Variants in CACHD1 observed in about 807,000 individuals in gnomAD.
CACHD1 encodes the protein cache domain containing 1, also known as VWFA and cache domain-containing protein 1.
Under a neutral mutation model 138.7 loss-of-function variants are expected in CACHD1, and 71 were observed. The ratio of observed to expected loss-of-function variants is 0.51; its 90% confidence interval spans 0.42 to 0.62. The LOEUF (loss-of-function observed/expected upper bound fraction) is 0.62, where lower values mean the gene tolerates loss of function less well. CACHD1 is among the 20% of genes least tolerant of loss of function. CACHD1 has a pLI of 0.00. For synonymous variants in CACHD1, 578 were observed against 591.5 expected, an observed-to-expected ratio of 0.98 and a Z score of 0.33; for missense variants, 1,389 against 1,625.3, an observed-to-expected ratio of 0.85 and a Z score of 2.50.
At chr1:64,520,723 T>G (rs1037020019) in intron 1 of CACHD1, among the ~76,000 whole-genome samples, 1 of 152,212 alleles carries the variant, frequency 6.6e-6, no homozygotes. Context: ...AACTTCCACA[T>G]ACTCGGAACC....
chr1:64,472,494 T>G (rs1646151646), intron 1 of CACHD1, among the ~76,000 whole-genome samples: 2 of 152,206 alleles, frequency 1.3e-5, no homozygotes, highest in African/African-American at 4.8e-5. Context: ...TGAAGTGCAA[T>G]GGAGTTGGGT....
chr1:64,613,508 G>T (rs1055965068), intron 4 of CACHD1: 1 of 152,128 alleles, frequency 6.6e-6, no homozygotes, highest in Non-Finnish European at 1.5e-5. Flanking sequence ...CTGAGCTGCA[G>T]TATCTCCAAG....
intron 2 of CACHD1, among the ~76,000 whole-genome samples, chr1:64,557,223 A>G (rs1399706311): frequency 6.6e-6 from 1 of 152,204 alleles, no homozygotes; most frequent in African/African-American, 2.4e-5. Context: ...CTCAGAAAGT[A>G]GCAAAATATG....
chr1:64,594,217 G>A (rs921124147), intron 3 of CACHD1, among the ~76,000 whole-genome samples: 2 of 148,952 alleles, frequency 1.3e-5, no homozygotes, highest in African/African-American at 5.0e-5. Context: ...TCGTGCCATT[G>A]CACTCCAGCC....
In CACHD1 at chr1:64,647,870, G is replaced by A. The variant is rs367857134; in HGVS notation, c.1226G>A (p.Gly409Asp). Residue 409 changes from glycine (G) to aspartate (D), a missense_variant, in exon 9 of 27, where the codon GGT becomes GAT. By Grantham distance (94) the Gly-to-Asp change is moderately conservative. This residue lies in a region of CACHD1 where 1,000 missense variants were observed against 1,114.7 expected (regional missense o/e 0.90). Transcript: ENST00000651257. ...DLAEQNSGKY[G>D]VPDRMALPVI... The stretch of plus-strand genomic sequence containing the variant: ...GCTGAACAGAATTCAGGGAAGTACG[G>A]TGTGCCAGACCGGATGGCCTTGCCT... 46 of 1,614,020 alleles carry A rather than the reference G, an allele frequency of 2.9e-5. No homozygotes were observed. The highest frequency in any genetic ancestry group is 5.0e-5 in the Admixed American group (3 of 59,990).
intron 12 of CACHD1, among the ~76,000 whole-genome samples, chr1:64,658,453 T>C (rs1366364922): frequency 6.6e-6 from 1 of 152,228 alleles, no homozygotes; most frequent in Non-Finnish European, 1.5e-5. Context: ...ACTCCTTTCT[T>C]ATCCTTTCGT....
intron 1 of CACHD1, among the ~76,000 whole-genome samples, chr1:64,540,257 A>G (rs1309863685): frequency 1.3e-5 from 2 of 152,040 alleles, no homozygotes; most frequent in African/African-American, 4.8e-5. Flanking sequence ...TGGCCGCTAA[A>G]TACCTCCTTT....
chr1:64,635,487 G>A lies in CACHD1; in HGVS notation c.1006+1227G>A, dbSNP rs182376964. On this transcript the variant is annotated intron_variant, in intron 7 of 26. Transcript: ENST00000651257. ...CAACCTCCACCTCCCGGGTTCAAGC[G>A]ATTCTCCTGCCTCAGCCTCCTGAGT... 5.4e-3 allele frequency among the ~76,000 whole-genome samples: 804 copies of A among 149,020 alleles called. 5 individuals carry two copies. The highest frequency in any genetic ancestry group is 8.8e-3 in the Non-Finnish European group (592 of 67,542).
At chr1:64,538,091 A>C (rs996824051) in intron 1 of CACHD1, among the ~76,000 whole-genome samples, 5 of 152,198 alleles carry the variant, frequency 3.3e-5, no homozygotes, top group African/African-American at 1.2e-4. Context: ...TTTACAGGCA[A>C]GGGTTGTTAC....
chr1:64,532,604 GT>G (rs1646596645), intron 1 of CACHD1, among the ~76,000 whole-genome samples: 1 of 152,120 alleles, frequency 6.6e-6, no homozygotes. Context: ...ATGTTGAGGG[GT>G]GGGGAAAGAA....
chr1:64,522,158 CT>C, intron 1 of CACHD1, among the ~76,000 whole-genome samples: 1 of 152,208 alleles, frequency 6.6e-6, no homozygotes, highest in Non-Finnish European at 1.5e-5. Flanking sequence ...CAACTTTATT[CT>C]TTTACATGTG....
intron 7 of CACHD1, 113 bp from the exon 8 acceptor site, chr1:64,641,707 G>A (rs1044063019): frequency 2.1e-5 from 15 of 701,636 alleles, no homozygotes; most frequent in South Asian, 4.7e-5. Flanking sequence ...ACTAGGAACC[G>A]TGGGCTAGGC....
chr1:64,479,070 G>A (rs1646194316), intron 1 of CACHD1, among the ~76,000 whole-genome samples: 1 of 152,176 alleles, frequency 6.6e-6, no homozygotes, highest in South Asian at 2.1e-4. Flanking sequence ...CAGTGTCTGG[G>A]TTAGAATTAT....
chr1:64,629,858 A>G (rs1007593995), intron 5 of CACHD1, among the ~76,000 whole-genome samples: 4 of 152,196 alleles, frequency 2.6e-5, no homozygotes, highest in Admixed American at 6.5e-5. Flanking sequence ...GTAGTTTGTT[A>G]TACTCAACTT....
intron 13 of CACHD1, among the ~76,000 whole-genome samples, chr1:64,662,021 A>G (rs1484680649): frequency 2.6e-5 from 4 of 152,216 alleles, no homozygotes; most frequent in East Asian, 1.9e-4. Context: ...AACCCAGAGA[A>G]GAGAGCCAAC....
At chr1:64,686,622 A>G (rs922367985) in intron 26 of CACHD1, among the ~76,000 whole-genome samples, 1 of 152,204 alleles carries the variant, frequency 6.6e-6, no homozygotes, top group African/African-American at 2.4e-5. Flanking sequence ...TTTCTCTTAA[A>G]AATATCATGT....
intron 12 of CACHD1, among the ~76,000 whole-genome samples, chr1:64,658,191 G>A (rs373316041): frequency 6.6e-6 from 1 of 152,208 alleles, no homozygotes; most frequent in East Asian, 1.9e-4. Flanking sequence ...AGAAGAGAAA[G>A]CATTCGTTGG....
intron 1 of CACHD1, among the ~76,000 whole-genome samples, chr1:64,478,164 T>C (rs1646187841): frequency 6.6e-6 from 1 of 152,202 alleles, no homozygotes; most frequent in South Asian, 2.1e-4. Context: ...GTGACTCTCC[T>C]AGATTTTTAC....
intron 1 of CACHD1, among the ~76,000 whole-genome samples, chr1:64,487,255 A>G (rs1384271738): frequency 1.1e-4 from 16 of 151,916 alleles, no homozygotes; most frequent in Non-Finnish European, 5.9e-5. Flanking sequence ...TGGCTCTGTC[A>G]CCCCCTGGCT....
Sources: allele counts gnomAD v4.1 joint callset (sites outside exome capture counted in the v4.1 genomes callset), GRCh38; gene constraint gnomAD v4.1.1; regional missense constraint gnomAD v4.1.1; transcripts MANE v1.5; gene names NCBI Gene and HGNC (gene_info 2026-07-23, HGNC 2026-07-21).